Variants in GPC5 observed in about 807,000 individuals in gnomAD.
GPC5 encodes glypican-5.
GPC5 carries 47 observed loss-of-function variants against 53.9 expected under a neutral mutation model. The observed-to-expected ratio is 0.87, with a 90% confidence interval of 0.69 to 1.11. GPC5 has a LOEUF of 1.11. Ranked by LOEUF, GPC5 falls within the 50% of genes most tolerant of loss-of-function variation. The pLI is 0.00. For missense variants in GPC5, 748 were observed against 713.1 expected (o/e 1.05, Z -0.56); for synonymous variants, 286 against 263.3 (o/e 1.09, Z -0.84).
rs574496880 is a variant in GPC5, at chr13:91,830,030, C to T, written c.1280+73610C>T. ...AGGGTTTTGAGAGCAACCGGTCTGA[C>T]CAAAATTTATTAGGTGGGAATTTCT... On this transcript the variant is annotated intron_variant, in intron 5 of 7. Coordinates refer to ENST00000377067, the MANE Select transcript of GPC5 (RefSeq NM_004466.6). 6.3e-4 allele frequency among the ~76,000 whole-genome samples: 96 copies of T among 152,018 alleles called. 1 individual carries two copies. Among genetic ancestry groups the T allele is most frequent in the African/African-American group, 2.3e-3 (94 of 41,480 alleles).
At chr13:92,328,941 CCTT>C (rs2043270604) in intron 7 of GPC5, among the ~76,000 whole-genome samples, 1 of 152,106 alleles carries the variant, frequency 6.6e-6, no homozygotes, top group Admixed American at 6.6e-5. Context: ...ATTTCCTCCT[CCTT>C]GAATTTATTT....
chr13:92,449,394 G>A (rs1056903233), intron 7 of GPC5, among the ~76,000 whole-genome samples: 21 of 152,118 alleles, frequency 1.4e-4, no homozygotes, highest in African/African-American at 4.8e-4. Context: ...TAATTAAACC[G>A]CTCTCAACTC....
At chr13:92,400,557 C>T (rs186054557) in intron 7 of GPC5, among the ~76,000 whole-genome samples, 3 of 152,158 alleles carry the variant, frequency 2.0e-5, no homozygotes, top group Non-Finnish European at 4.4e-5. Context: ...TTCCATATAT[C>T]CAAATTTTAG....
At position 91,521,223 on chromosome 13, in the gene GPC5, A is replaced by G. The variant is rs562153391; in HGVS notation, c.325+72301A>G. ...AAAATTCTCAGGCTGGCAGTGTTTT[A>G]TAAGAACTGAAACCAATTCAGAAAA... On this transcript the variant is annotated intron_variant, in intron 2 of 7. Transcript: ENST00000377067. Among the ~76,000 whole-genome samples the G allele has an allele frequency of 5.8e-4, 88 of 152,308 alleles. 2 individuals are homozygous for G. In the South Asian group the frequency reaches 0.018, roughly 30 times the overall value.
At chr13:92,218,282 T>C (rs1294607500) in intron 7 of GPC5, among the ~76,000 whole-genome samples, 3 of 152,088 alleles carry the variant, frequency 2.0e-5, no homozygotes, top group Admixed American at 2.0e-4. Flanking sequence ...TGTAAAGAAA[T>C]GGATTCATCT....
At chr13:92,646,811 A>G (rs1232956246) in intron 7 of GPC5, among the ~76,000 whole-genome samples, 1 of 94,792 alleles carries the variant, frequency 1.1e-5, no homozygotes, top group Non-Finnish European at 3.4e-5. Context: ...TTTAATTTCA[A>G]TTTTCAGTTT....
intron 2 of GPC5, among the ~76,000 whole-genome samples, chr13:91,692,419 C>T (rs2035775619): frequency 6.6e-6 from 1 of 152,030 alleles, no homozygotes; most frequent in Non-Finnish European, 1.5e-5. Flanking sequence ...TTGTAGCAAC[C>T]AGTGTGTAAT....
chr13:92,440,661 T>C (rs1189666868), intron 7 of GPC5, among the ~76,000 whole-genome samples: 1 of 152,180 alleles, frequency 6.6e-6, no homozygotes, highest in Non-Finnish European at 1.5e-5. Context: ...TCTTGGTTAT[T>C]TGAGAAATCT....
At chr13:92,585,800 G>A (rs1424711118) in intron 7 of GPC5, among the ~76,000 whole-genome samples, 2 of 152,148 alleles carry the variant, frequency 1.3e-5, no homozygotes, top group Non-Finnish European at 2.9e-5. Flanking sequence ...TAGTGAGTAA[G>A]TCTCACAAGA....
chr13:91,801,805 C>G (rs988091158), intron 5 of GPC5, among the ~76,000 whole-genome samples: 17 of 152,104 alleles, frequency 1.1e-4, no homozygotes, highest in African/African-American at 4.1e-4. Flanking sequence ...GTTAGTTGCA[C>G]CAGTATTTGA....
At chr13:91,613,520 A>G (rs1354805587) in intron 2 of GPC5, among the ~76,000 whole-genome samples, 3 of 152,176 alleles carry the variant, frequency 2.0e-5, no homozygotes, top group African/African-American at 7.2e-5. Context: ...TATCACAGAT[A>G]TTTCCATCTT....
intron 7 of GPC5, among the ~76,000 whole-genome samples, chr13:92,233,313 T>G (rs935900663): frequency 3.9e-5 from 6 of 152,256 alleles, no homozygotes; most frequent in African/African-American, 1.2e-4. Flanking sequence ...GCCATTTTCC[T>G]GCAGTTTTCA....
intron 7 of GPC5, among the ~76,000 whole-genome samples, chr13:92,840,020 A>G (rs1878368157): frequency 6.8e-6 from 1 of 147,718 alleles, no homozygotes; most frequent in Admixed American, 6.8e-5. Context: ...ATGAAGATAT[A>G]GCTTTTTTAC....
intron 5 of GPC5, among the ~76,000 whole-genome samples, chr13:91,906,668 G>A (rs2138995393): frequency 6.6e-6 from 1 of 152,120 alleles, no homozygotes; most frequent in African/African-American, 2.4e-5. Flanking sequence ...ACCTAGTATA[G>A]GACTTGGAAT....
At chr13:91,588,802 G>A (rs1397848612) in intron 2 of GPC5, among the ~76,000 whole-genome samples, 1 of 151,926 alleles carries the variant, frequency 6.6e-6, no homozygotes, top group African/African-American at 2.4e-5. Context: ...TTTTGGCTCT[G>A]GCACTTTCTT....
rs146142818 is a variant in GPC5 at position 92,342,549 on chromosome 13, G to A, written c.1561+197560G>A. On this transcript the variant is annotated intron_variant, in intron 7 of 7. Coordinates refer to ENST00000377067, the MANE Select transcript of GPC5 (RefSeq NM_004466.6). ...CATATGAAGACACACATAAGTTACCGTCTATGAGTAACAGGTTCTTACCAG... is the reference window on the plus strand; with the variant it reads ...CATATGAAGACACACATAAGTTACCATCTATGAGTAACAGGTTCTTACCAG... 5.2e-4 allele frequency among the ~76,000 whole-genome samples: 79 copies of A among 152,108 alleles called. No individual in the cohort carries two copies. The East Asian group carries it at 7.4e-3, about 14-fold the overall frequency.
At chr13:91,614,791 G>A (rs775908004) in intron 2 of GPC5, among the ~76,000 whole-genome samples, 1 of 152,258 alleles carries the variant, frequency 6.6e-6, no homozygotes, top group African/African-American at 2.4e-5. Flanking sequence ...GTTTATAATG[G>A]CAAATTTCGA....
intron 2 of GPC5, among the ~76,000 whole-genome samples, chr13:91,561,692 G>A (rs1353627453): frequency 6.6e-6 from 1 of 152,074 alleles, no homozygotes; most frequent in East Asian, 1.9e-4. Flanking sequence ...CTGTGCAGAA[G>A]TTAGGTGGAT....
rs532196727 is a variant in GPC5 at position 92,139,680 on chromosome 13, A to AAAAAAAGTG, written c.1402-5145_1402-5144insAGTGAAAAA. Among the ~76,000 whole-genome samples, 1,310 of 140,858 alleles carry AAAAAAAGTG rather than the reference A, an allele frequency of 9.3e-3. 41 individuals carry two copies. Among genetic ancestry groups the AAAAAAAGTG allele is most frequent in the African/African-American group, 0.029 (1,122 of 38,932 alleles). 92.4% of individuals were successfully genotyped at this position (140,858 alleles called of 152,430 possible). On this transcript the variant is annotated intron_variant, in intron 6 of 7. Coordinates refer to ENST00000377067, the MANE Select transcript of GPC5 (RefSeq NM_004466.6). ...AGATTCCGTCTCAAAAAAAAAAAAA[A>AAAAAAAGTG]AAAAAGTGTTATATTTAGAATATAC...
Sources: allele counts gnomAD v4.1 joint callset (sites outside exome capture counted in the v4.1 genomes callset), GRCh38; gene constraint gnomAD v4.1.1; transcripts MANE v1.5; gene names NCBI Gene and HGNC (gene_info 2026-07-23, HGNC 2026-07-21).